The following LSP1 variants were observed in gnomAD, a reference collection of about 807,000 sequenced individuals.
LSP1 encodes lymphocyte-specific protein 1.
In LSP1, 32 loss-of-function variants were observed where a neutral mutation model predicts 49.3. The ratio of observed to expected loss-of-function variants is 0.65; its 90% CI spans 0.49 to 0.87. LSP1 has a LOEUF of 0.87. Among genes scored for constraint, LSP1 ranks in the 40% least tolerant of loss-of-function variants. The pLI is 0.00. For synonymous variants in LSP1, 179 were observed against 178.8 expected, an observed-to-expected ratio of 1.00 and a Z score of -0.01; for missense variants, 428 against 442.6, an observed-to-expected ratio of 0.97 and a Z score of 0.30.
At chr11:1,866,798 C>G (rs758125057) in intron 1 of LSP1, 1 of 1,550,352 alleles carries the variant, frequency 6.5e-7, no homozygotes. Flanking sequence ...GGAAGTGCAG[C>G]CCCCGGAGGA....
At chr11:1,890,571 G>A (rs1848958681) in intron 10 of LSP1, 2 of 708,930 alleles carry the variant, frequency 2.8e-6, no homozygotes, top group South Asian at 3.0e-5. Context: ...CATCGACGCA[G>A]CCGATATGAG....
chr11:1,866,506 T>A (rs754249948), intron 1 of LSP1: 21 of 1,507,186 alleles, frequency 1.4e-5, no homozygotes, highest in Non-Finnish European at 1.8e-5. Flanking sequence ...CCTGGCAGGG[T>A]CTCCGGCTGT....
At chr11:1,862,093 G>A (rs1390581387) in intron 1 of LSP1, among the ~76,000 whole-genome samples, 1 of 151,924 alleles carries the variant, frequency 6.6e-6, no homozygotes, top group Non-Finnish European at 1.5e-5. Flanking sequence ...ATGGATGAGT[G>A]GATAAATGGA....
At chr11:1,861,976 T>C (rs1847651333) in intron 1 of LSP1, among the ~76,000 whole-genome samples, 1 of 148,650 alleles carries the variant, frequency 6.7e-6, no homozygotes. Flanking sequence ...GATGGATGAA[T>C]AGATGGATGG....
chr11:1,863,836 C>A (rs2133065205), intron 1 of LSP1, among the ~76,000 whole-genome samples: 1 of 152,300 alleles, frequency 6.6e-6, no homozygotes, highest in South Asian at 2.1e-4. Flanking sequence ...CATGCTGTGC[C>A]AATACCAAAC....
At chr11:1,866,302 G>A (rs535469531) in intron 1 of LSP1, among the ~76,000 whole-genome samples, 19 of 152,314 alleles carry the variant, frequency 1.2e-4, no homozygotes, top group Admixed American at 2.6e-4. Context: ...GGCTGGCATC[G>A]GTCGGCTTGC....
At chr11:1,859,378 G>A (rs80118038) in intron 1 of LSP1, 3,830 of 152,598 alleles carry the variant, frequency 0.025, 70 homozygotes, top group South Asian at 0.069. Context: ...ATCCCTGGCA[G>A]GTGGGACCTC....
intron 1 of LSP1, chr11:1,866,805 A>G: frequency 6.5e-7 from 1 of 1,550,254 alleles, no homozygotes; most frequent in Non-Finnish European, 8.7e-7. Context: ...CAGCCCCCGG[A>G]GGAGGGGCAG....
At chr11:1,874,212 G>A (rs932826076) in intron 1 of LSP1, among the ~76,000 whole-genome samples, 724 of 68,086 alleles carry the variant, frequency 0.011, 61 homozygotes, top group African/African-American at 0.014. Flanking sequence ...GGACAGTGGG[G>A]GCAGTGTTGG....
intron 7 of LSP1, among the ~76,000 whole-genome samples, chr11:1,886,495 C>T (rs868272444): frequency 6.6e-6 from 1 of 152,362 alleles, no homozygotes; most frequent in Middle Eastern, 3.4e-3. Flanking sequence ...GAGGCAGACC[C>T]ACATCTGTCC....
intron 1 of LSP1, among the ~76,000 whole-genome samples, chr11:1,871,658 C>T (rs540291764): frequency 7.9e-5 from 12 of 152,294 alleles, no homozygotes; most frequent in Non-Finnish European, 2.9e-5. Context: ...CGCTGTCTGC[C>T]GCTGCACGGG....
chr11:1,879,791 T>A (rs1848460769), intron 1 of LSP1, among the ~76,000 whole-genome samples: 1 of 152,176 alleles, frequency 6.6e-6, no homozygotes, highest in Non-Finnish European at 1.5e-5. Flanking sequence ...CTTGAGTTTC[T>A]TCAGGCTTGA....
At position 1,883,470 on chromosome 11, in the gene LSP1, G is replaced by A; in HGVS notation, c.408G>A (p.Glu136=). 1 of 1,614,124 alleles carries A rather than the reference G, an allele frequency of 6.2e-7. No individual in the cohort carries two copies. The highest frequency in any genetic ancestry group is 1.1e-5 in the South Asian group (1 of 91,086). ...EKEDSDEVHL[E]ELSLSKEGPG... ...AGGACAGTGATGAAGTCCACCTGGA[G>A]GAGTTGAGTCTGAGCAAGGAGGGGC... Residue 136 remains glutamate (E), a synonymous_variant, in exon 4 of 11, where the codon GAG becomes GAA. Coordinates refer to ENST00000311604, the MANE Select transcript of LSP1 (RefSeq NM_002339.3).
rs1420136522 is a variant in LSP1, at chr11:1,891,754, C to T, written c.*14-19C>T. 1 of 152,592 alleles carries T rather than the reference C, an allele frequency of 6.6e-6. No homozygotes were observed. The highest frequency in any genetic ancestry group is 2.4e-5 in the African/African-American group (1 of 41,400). The allele number at this position is 152,592 out of a possible 1,614,324, so 9.5% of individuals were successfully genotyped here. A position where few individuals can be genotyped will look rare whatever the true frequency, so the allele number is the denominator to read the frequency against. On this transcript the variant is annotated intron_variant, in intron 10 of 10. Coordinates refer to ENST00000311604, the MANE Select transcript of LSP1 (RefSeq NM_002339.3). ...GGACCCTAGCCTAATGCCCCCTGCACCCCATGCCTATGTTCCAGCTTCCTG... is the reference window on the plus strand; with the variant it reads ...GGACCCTAGCCTAATGCCCCCTGCATCCCATGCCTATGTTCCAGCTTCCTG...
rs1326706637 is a variant in LSP1, at chr11:1,884,179, T to C, written c.592-101T>C. 6.7e-6 allele frequency: 10 copies of C among 1,487,680 alleles called. No individual in the cohort carries two copies. Among genetic ancestry groups the C allele is most frequent in the Non-Finnish European group, 8.4e-6 (9 of 1,065,786 alleles). The allele number at this position is 1,487,680 out of a possible 1,614,324, so 92.2% of individuals were successfully genotyped here. ...CGGTGCTCAGCGAACCCCCATGATA[T>C]AAGGGTTGGGGGTTGGATTAGTGGT... is the stretch of plus-strand genomic sequence containing the variant. On this transcript the variant is annotated intron_variant, in intron 5 of 10. Coordinates refer to ENST00000311604, the MANE Select transcript of LSP1 (RefSeq NM_002339.3). This position sits in a 1 kb window ranked among gnomAD's most constrained non-coding sequence, Gnocchi z 4.1.
chr11:1,889,291 G>T, intron 10 of LSP1: 2 of 698,656 alleles, frequency 2.9e-6, no homozygotes, highest in Admixed American at 4.2e-5. Flanking sequence ...AAGGGCAGGC[G>T]GGTGAGGCTG....
At position 1,853,135 on chromosome 11, in the gene LSP1, C is replaced by A; in HGVS notation, c.-10C>A. The A allele has an allele frequency of 6.2e-7, 1 of 1,609,256 alleles. No individual in the cohort carries two copies. Among genetic ancestry groups the A allele is most frequent in the Non-Finnish European group, 8.5e-7 (1 of 1,178,580 alleles). On this transcript the variant is annotated 5_prime_UTR_variant, in exon 1 of 11. Coordinates refer to ENST00000311604, the MANE Select transcript of LSP1 (RefSeq NM_002339.3). ...CTGCCAGCACCCTGTGGGGCCCAGA[C>A]TACAGGCTGATGGCGGAGGCTTCGA...
intron 1 of LSP1, among the ~76,000 whole-genome samples, chr11:1,876,191 C>T (rs918436048): frequency 2.6e-5 from 4 of 152,318 alleles, no homozygotes; most frequent in African/African-American, 9.6e-5. Flanking sequence ...CCACGGAGGG[C>T]CCCTGTGGGC....
Position 1,884,947 on chromosome 11 carries a change from C to T in LSP1, c.717+366C>T, listed in dbSNP as rs1178359957. ...AATCAATGCCCCCCTCGGAACAGTA[C>T]TCCACCACCCAATCAATGCTCTTTC... On this transcript the variant is annotated intron_variant, in intron 7 of 10. Coordinates refer to ENST00000311604, the MANE Select transcript of LSP1 (RefSeq NM_002339.3). The surrounding 1 kb of genome is among the most constrained non-coding windows in gnomAD (Gnocchi z 4.1). Among the ~76,000 whole-genome samples the T allele has an allele frequency of 2.0e-5, 3 of 151,982 alleles. No individual in the cohort carries two copies. The highest frequency in any genetic ancestry group is 4.4e-5 in the Non-Finnish European group (3 of 67,986).
Sources: allele counts gnomAD v4.1 joint callset (sites outside exome capture counted in the v4.1 genomes callset), GRCh38; gene constraint gnomAD v4.1.1; non-coding constraint Gnocchi (gnomAD v3.1); transcripts MANE v1.5; gene names NCBI Gene and HGNC (gene_info 2026-07-23, HGNC 2026-07-21).